The following EYA1 variants were observed in gnomAD, a reference collection of about 807,000 sequenced individuals.
The protein encoded by EYA1 is EYA transcriptional coactivator and phosphatase 1.
EYA1 carries 16 observed loss-of-function variants against 82.0 expected under a neutral mutation model. That is an observed-to-expected ratio of 0.20 (90% CI 0.13 to 0.30). The LOEUF (loss-of-function observed/expected upper bound fraction) is 0.30, where lower values mean the gene tolerates loss of function less well. Among genes scored for constraint, EYA1 ranks in the 10% least tolerant of loss-of-function variants. The pLI is 1.00. For missense variants in EYA1, 633 were observed against 730.7 expected (o/e 0.87, Z 1.54); for synonymous variants, 261 against 264.4 (o/e 0.99, Z 0.12).
chr8:71,412,579 G>A (rs1043005410), intron 2 of EYA1, among the ~76,000 whole-genome samples: 2 of 152,130 alleles, frequency 1.3e-5, no homozygotes, highest in Non-Finnish European at 2.9e-5. Flanking sequence ...TAATACGGGA[G>A]GAGTGGATGG....
chr8:71,341,375 C>A (rs1825108836), intron 3 of EYA1, among the ~76,000 whole-genome samples: 1 of 152,106 alleles, frequency 6.6e-6, no homozygotes, highest in Admixed American at 6.5e-5. Flanking sequence ...GTCTCTTTCT[C>A]AAACCATGAG....
chr8:71,468,424 C>T (rs565181235), intron 2 of EYA1, among the ~76,000 whole-genome samples: 61 of 152,112 alleles, frequency 4.0e-4, no homozygotes, highest in East Asian at 1.9e-3. Flanking sequence ...TGGAGTCCAA[C>T]GGAAGTGTTA....
chr8:71,325,609 TTAATAAACATACA>T (rs1241994441), intron 4 of EYA1, among the ~76,000 whole-genome samples: 1 of 152,216 alleles, frequency 6.6e-6, no homozygotes, highest in East Asian at 1.9e-4. Flanking sequence ...TTAAGTTTTT[TTAATAAACATACA>T]TAATAAACCT....
At chr8:71,465,602 A>G (rs535081466) in intron 2 of EYA1, among the ~76,000 whole-genome samples, 123 of 152,352 alleles carry the variant, frequency 8.1e-4, no homozygotes, top group African/African-American at 2.9e-3. Context: ...AGCCTGGGCA[A>G]CAGAGCAAGA....
intron 2 of EYA1, among the ~76,000 whole-genome samples, chr8:71,456,498 T>C (rs1017702555): frequency 6.6e-6 from 1 of 152,150 alleles, no homozygotes; most frequent in Admixed American, 6.5e-5. Context: ...GCTACCTGAC[T>C]TCAAACTATA....
At chr8:71,443,295 A>G (rs1806571845) in intron 2 of EYA1, among the ~76,000 whole-genome samples, 1 of 152,096 alleles carries the variant, frequency 6.6e-6, no homozygotes, top group Admixed American at 6.5e-5. Flanking sequence ...AAGAAAATGG[A>G]TTTTTTTGGC....
chr8:71,546,719 G>A (rs1185565793), intron 1 of EYA1, among the ~76,000 whole-genome samples: 1 of 152,016 alleles, frequency 6.6e-6, no homozygotes, highest in African/African-American at 2.4e-5. Context: ...GGCCAGACTG[G>A]TCTCAAACTC....
intron 2 of EYA1, among the ~76,000 whole-genome samples, chr8:71,484,456 T>C (rs1810409174): frequency 1.3e-5 from 2 of 152,222 alleles, no homozygotes; most frequent in African/African-American, 4.8e-5. Context: ...CTGGCTGTAA[T>C]GGCTTGGTTA....
intron 2 of EYA1, among the ~76,000 whole-genome samples, chr8:71,448,026 T>TC (rs1479724899): frequency 9.0e-6 from 1 of 111,160 alleles, no homozygotes; most frequent in Non-Finnish European, 1.9e-5. Context: ...TTTTTTTTTT[T>TC]CTCGCTCCGT....
intron 9 of EYA1, among the ~76,000 whole-genome samples, chr8:71,295,904 TAGTTGAAAAGTAGGCATG>T (rs1819546216): frequency 6.6e-6 from 1 of 152,144 alleles, no homozygotes; most frequent in South Asian, 2.1e-4. Context: ...AAGACATGGC[TAGTTGAAAAGTAGGCATG>T]AGTTTAAGAG....
chr8:71,523,173 C>CTTTTTTTTTTTTTTTTTTTTTTTTT lies in EYA1; in HGVS notation c.33+12570_33+12571insAAAAAAAAAAAAAAAAAAAAAAAAA, dbSNP rs201950125. Among the ~76,000 whole-genome samples, 41 of 110,844 alleles carry CTTTTTTTTTTTTTTTTTTTTTTTTT rather than the reference C, an allele frequency of 3.7e-4. 2 individuals are homozygous for CTTTTTTTTTTTTTTTTTTTTTTTTT. Among genetic ancestry groups the CTTTTTTTTTTTTTTTTTTTTTTTTT allele is most frequent in the East Asian group, 1.4e-3 (4 of 2,896 alleles). The allele number at this position is 110,844 out of a possible 152,430, so 72.7% of individuals were successfully genotyped here. On this transcript the variant is annotated intron_variant, in intron 2 of 18. Transcript: ENST00000643681. ...TTCAGCTCTTTTTCTTTTCTTTTTT[C>CTTTTTTTTTTTTTTTTTTTTTTTTT]TTTTTCTTTTTTTTTTTTTTTTTGA...
intron 2 of EYA1, among the ~76,000 whole-genome samples, chr8:71,492,912 T>C (rs187402876): frequency 1.3e-5 from 2 of 152,300 alleles, no homozygotes; most frequent in Admixed American, 6.5e-5. Context: ...TCTCCCTCCT[T>C]CCACATTCCA....
At chr8:71,251,869 T>A (rs1477481590) in intron 11 of EYA1, among the ~76,000 whole-genome samples, 2 of 152,168 alleles carry the variant, frequency 1.3e-5, no homozygotes, top group East Asian at 3.9e-4. Context: ...TCACAGTAGA[T>A]CTTGATTAAA....
chr8:71,398,347 G>T (rs1829752121), intron 2 of EYA1, among the ~76,000 whole-genome samples: 1 of 152,162 alleles, frequency 6.6e-6, no homozygotes, highest in South Asian at 2.1e-4. Flanking sequence ...GCCAGGACCT[G>T]CGTTCCTTTG....
At chr8:71,204,975 T>G (rs982957988) in intron 17 of EYA1, among the ~76,000 whole-genome samples, 3 of 152,216 alleles carry the variant, frequency 2.0e-5, no homozygotes, top group Non-Finnish European at 4.4e-5. Flanking sequence ...ACATTCACTG[T>G]ACTTGGTGTT....
intron 12 of EYA1, among the ~76,000 whole-genome samples, chr8:71,243,521 GGAA>G (rs957446640): frequency 1.3e-5 from 2 of 152,146 alleles, no homozygotes; most frequent in Non-Finnish European, 2.9e-5. Flanking sequence ...TTTTCACTAA[GGAA>G]GAGAAAAAAT....
chr8:71,324,712 C>T lies in EYA1; in HGVS notation c.203-2444G>A, dbSNP rs16937579. Among the ~76,000 whole-genome samples, 417 of 152,280 alleles carry T rather than the reference C, an allele frequency of 2.7e-3. 6 individuals are homozygous for T. The highest frequency in any genetic ancestry group is 0.022 in the East Asian group (113 of 5,176). ...TTGAACCCAGGTCTGCCTAACTTTT[C>T]CCACCAAAGCATACTGTCTTCCGAC... On this transcript the variant is annotated intron_variant, in intron 4 of 17. Transcript: ENST00000340726.
chr8:71,282,601 C>T (rs1817933631), intron 9 of EYA1, among the ~76,000 whole-genome samples: 1 of 152,184 alleles, frequency 6.6e-6, no homozygotes, highest in East Asian at 1.9e-4. Context: ...CTGAAAGGCC[C>T]TTTTCTCAGT....
intron 11 of EYA1, among the ~76,000 whole-genome samples, chr8:71,261,815 T>C (rs1169268920): frequency 6.6e-6 from 1 of 152,196 alleles, no homozygotes; most frequent in African/African-American, 2.4e-5. Context: ...CTAAATCCAG[T>C]CGAAAGACCT....
Sources: gnomAD v4.1 joint callset for allele counts (sites outside exome capture counted in the v4.1 genomes callset) on GRCh38, gnomAD v4.1.1 for gene constraint, MANE v1.5 for transcripts, NCBI Gene and HGNC (gene_info 2026-07-23, HGNC 2026-07-21) for gene names.